Variants in ABL1 observed in about 807,000 individuals in gnomAD.
ABL1 encodes ABL proto-oncogene 1, non-receptor tyrosine kinase.
A neutral mutation model predicts 94.7 loss-of-function variants in ABL1; 11 were observed. The ratio of observed to expected loss-of-function variants is 0.12; its 90% CI spans 0.07 to 0.19. The LOEUF is 0.19. Ranked by LOEUF, ABL1 falls within the 10% of genes least tolerant of loss-of-function variation. The probability of loss-of-function intolerance (pLI) is 1.00; values close to 1 mark genes in which losing one functional copy is unlikely to be tolerated. For missense variants in ABL1, 1,082 were observed against 1,489.4 expected (o/e 0.73, Z 4.50); for synonymous variants, 656 against 622.4 (o/e 1.05, Z -0.80).
At chr9:130,757,031 T>C (rs746220937) in intron 1 of ABL1, among the ~76,000 whole-genome samples, 1 of 152,148 alleles carries the variant, frequency 6.6e-6, no homozygotes, top group Non-Finnish European at 1.5e-5. Context: ...AACATTCCAT[T>C]CTGCAGAATT....
At chr9:130,844,823 T>C (rs1247589640) in intron 1 of ABL1, among the ~76,000 whole-genome samples, 2 of 152,176 alleles carry the variant, frequency 1.3e-5, no homozygotes, top group African/African-American at 4.8e-5. Context: ...AAAAAAGAAA[T>C]ACCTAGTTTC....
In ABL1 at chr9:130,809,946, TC is replaced by T. The variant is rs201870961; in HGVS notation, c.137-44117del. Among the ~76,000 whole-genome samples, 1,178 of 152,296 alleles carry T rather than the reference TC, an allele frequency of 7.7e-3. 22 individuals are homozygous for T. Among genetic ancestry groups the T allele is most frequent in the African/African-American group, 0.027 (1,131 of 41,554 alleles). On this transcript the variant is annotated intron_variant, in intron 1 of 10. Transcript: ENST00000372348. ...AAGGTTAAGAGCAAGACCAAAAAGA[TC>T]AAACCTTTTCCAAACAAAAGCTGAA... is the stretch of plus-strand genomic sequence containing the variant.
intron 1 of ABL1, among the ~76,000 whole-genome samples, chr9:130,787,926 C>T (rs1338887069): frequency 6.6e-6 from 1 of 152,166 alleles, no homozygotes; most frequent in Non-Finnish European, 1.5e-5. Context: ...CTTGTGGCCT[C>T]AGCTCTCTGA....
chr9:130,883,423 G>C (rs1248079274), intron 10 of ABL1, among the ~76,000 whole-genome samples: 1 of 151,978 alleles, frequency 6.6e-6, no homozygotes, highest in Non-Finnish European at 1.5e-5. Context: ...TTTGAACCTG[G>C]GAGGCGGAGG....
At chr9:130,853,555 C>G (rs1372106059) in intron 1 of ABL1, among the ~76,000 whole-genome samples, 1 of 152,094 alleles carries the variant, frequency 6.6e-6, no homozygotes, top group Non-Finnish European at 1.5e-5. Flanking sequence ...GCTGGGACTA[C>G]AGGTGTGCGT....
chr9:130,822,387 T>A (rs1031124537), intron 1 of ABL1, among the ~76,000 whole-genome samples: 1 of 152,016 alleles, frequency 6.6e-6, no homozygotes, highest in African/African-American at 2.4e-5. Flanking sequence ...TTCCAGTTTT[T>A]CCATGTCCTT....
intron 1 of ABL1, among the ~76,000 whole-genome samples, chr9:130,763,200 T>C (rs1206479991): frequency 6.6e-6 from 1 of 152,052 alleles, no homozygotes; most frequent in Non-Finnish European, 1.5e-5. Flanking sequence ...CATTTCAGGT[T>C]CTAGTTCAAA....
chr9:130,744,874 C>A (rs368026566), intron 1 of ABL1, among the ~76,000 whole-genome samples: 3,157 of 143,154 alleles, frequency 0.022, 129 homozygotes, highest in African/African-American at 0.072. Flanking sequence ...AAAAAAAAAA[C>A]AAAACTATCT....
At chr9:130,852,684 AAAAAG>A (rs935133135) in intron 1 of ABL1, among the ~76,000 whole-genome samples, 8 of 152,332 alleles carry the variant, frequency 5.3e-5, no homozygotes, top group African/African-American at 1.9e-4. Flanking sequence ...TGTTCAAAAA[AAAAAG>A]GCAAGAAGAA....
chr9:130,780,171 C>A (rs1016346162), intron 1 of ABL1, among the ~76,000 whole-genome samples: 1 of 152,150 alleles, frequency 6.6e-6, no homozygotes, highest in Non-Finnish European at 1.5e-5. Flanking sequence ...CCCGTAATCC[C>A]AGCTACTCTG....
chr9:130,831,384 A>G (rs530507112), upstream of ABL1, among the ~76,000 whole-genome samples: 1 of 152,056 alleles, frequency 6.6e-6, no homozygotes, highest in African/African-American at 2.4e-5. Context: ...TGCCTGCCCA[A>G]CTTTTTCTTA....
chr9:130,881,168 AT>A (rs1831446413), intron 10 of ABL1, among the ~76,000 whole-genome samples: 2 of 152,142 alleles, frequency 1.3e-5, no homozygotes, highest in Non-Finnish European at 2.9e-5. Flanking sequence ...GGGAGTTGGG[AT>A]CAGCTCAGGA....
At chr9:130,762,916 A>AC (rs983463970) in intron 1 of ABL1, among the ~76,000 whole-genome samples, 1 of 151,712 alleles carries the variant, frequency 6.6e-6, no homozygotes, top group African/African-American at 2.4e-5. Flanking sequence ...TCTCAAAAAA[A>AC]AAAAAAAAAA....
intron 4 of ABL1, among the ~76,000 whole-genome samples, chr9:130,865,635 A>C (rs982330138): frequency 1.3e-5 from 2 of 150,896 alleles, no homozygotes; most frequent in African/African-American, 4.9e-5. Context: ...ATTCCTAGCT[A>C]CTTGGGAGGC....
intron 1 of ABL1, among the ~76,000 whole-genome samples, chr9:130,790,187 C>A (rs11244142): frequency 0.22 from 33,649 of 152,158 alleles, 5,026 homozygotes; most frequent in African/African-American, 0.44. Flanking sequence ...CTCTCTGATA[C>A]TCTAGAAGAT....
chr9:130,882,777 G>A lies in ABL1; in HGVS notation c.1679-1192G>A, dbSNP rs528577936. ...TCTCTATCTCTTGACCTCATGATCC[G>A]CCCACCTCAGCCTCCCAAAGTGCTG... is the stretch of plus-strand genomic sequence containing the variant. On this transcript the variant is annotated intron_variant, in intron 10 of 10. Coordinates refer to ENST00000318560, the MANE Select transcript of ABL1 (RefSeq NM_005157.6). Among the ~76,000 whole-genome samples the A allele has an allele frequency of 2.3e-3, 343 of 152,136 alleles. 1 individual carries two copies. Among genetic ancestry groups the A allele is most frequent in the African/African-American group, 6.7e-3 (279 of 41,520 alleles).
intron 1 of ABL1, among the ~76,000 whole-genome samples, chr9:130,815,484 C>T (rs1232235695): frequency 6.6e-6 from 1 of 152,108 alleles, no homozygotes; most frequent in Non-Finnish European, 1.5e-5. Context: ...CTTTTTCTGT[C>T]AAACCCCGTA....
chr9:130,718,310 T>G (rs1431813540), intron 1 of ABL1, among the ~76,000 whole-genome samples: 1 of 125,266 alleles, frequency 8.0e-6, no homozygotes. Context: ...AGAATGAGAC[T>G]CTGTCTCAAA....
rs192359655 is a variant in ABL1, at chr9:130,717,952, C to T, written c.136+3497C>T. Among the ~76,000 whole-genome samples, 170 of 148,978 alleles carry T rather than the reference C, an allele frequency of 1.1e-3. 2 individuals carry two copies. Among genetic ancestry groups the T allele is most frequent in the African/African-American group, 4.2e-3 (168 of 40,364 alleles). On this transcript the variant is annotated intron_variant, in intron 1 of 10. Coordinates refer to the ABL1 transcript ENST00000372348. ...TGCTTGAACCCCGGAGCGGAGGTTG[C>T]ATTGAGACGAGATCACGCCATTGCA... is the stretch of plus-strand genomic sequence containing the variant.
Sources: gnomAD v4.1 joint callset for allele counts (sites outside exome capture counted in the v4.1 genomes callset) on GRCh38, gnomAD v4.1.1 for gene constraint, MANE v1.5 for transcripts, NCBI Gene and HGNC (gene_info 2026-07-23, HGNC 2026-07-21) for gene names.